The following PRKAA2 variants were observed in gnomAD, a reference collection of about 807,000 sequenced individuals.
The protein encoded by PRKAA2 is protein kinase AMP-activated catalytic subunit alpha 2.
A neutral mutation model predicts 56.3 loss-of-function variants in PRKAA2; 40 were observed. That is an observed-to-expected ratio of 0.71 (90% CI 0.55 to 0.92). The LOEUF (loss-of-function observed/expected upper bound fraction) is 0.92. PRKAA2 is among the 40% of genes least tolerant of loss of function. PRKAA2 has a pLI of 0.00. For missense variants in PRKAA2, 542 were observed against 686.9 expected, an observed-to-expected ratio of 0.79 and a Z score of 2.36; for synonymous variants, 214 against 234.2, an observed-to-expected ratio of 0.91 and a Z score of 0.79.
Position 56,711,104 on chromosome 1 carries a change from A to AG in PRKAA2, c.*3392dup, listed in dbSNP as rs1403093312. On this transcript the variant is annotated 3_prime_UTR_variant, in exon 9 of 9. Transcript: ENST00000371244. ...TACTAGCTATCTATAAAGAGAATCC[A>AG]GAAGGCTAAATTAATCAGAAATAAT... is the stretch of plus-strand genomic sequence containing the variant. The AG allele has an allele frequency of 6.6e-6, 1 of 152,154 alleles. No homozygotes were observed. Among genetic ancestry groups the AG allele is most frequent in the African/African-American group, 2.4e-5 (1 of 41,464 alleles). The allele number at this position is 152,154 out of a possible 1,614,324, so 9.4% of individuals were successfully genotyped here.
intron 1 of PRKAA2, among the ~76,000 whole-genome samples, chr1:56,672,895 G>A (rs1644087931): frequency 6.6e-6 from 1 of 152,092 alleles, no homozygotes; most frequent in African/African-American, 2.4e-5. Flanking sequence ...GAGACAAGTT[G>A]GAAACTAGAG....
intron 1 of PRKAA2, among the ~76,000 whole-genome samples, chr1:56,664,125 C>A (rs1362245599): frequency 6.6e-6 from 1 of 151,996 alleles, no homozygotes; most frequent in South Asian, 2.1e-4. Context: ...TCTTCTTGTC[C>A]CTTCTTAAAA....
rs192497352 is a variant in PRKAA2, at chr1:56,667,887, T to C, written c.95-6494T>C. ...TGGTAGTCTCTCTTGTGCCTTCACT[T>C]GGAGACCCTCCTGAAGGACTTAGTG... On this transcript the variant is annotated intron_variant, in intron 1 of 8. Coordinates refer to ENST00000371244, the MANE Select transcript of PRKAA2 (RefSeq NM_006252.4). 6.0e-3 allele frequency among the ~76,000 whole-genome samples: 911 copies of C among 152,272 alleles called. 5 individuals are homozygous for C. The highest frequency in any genetic ancestry group is 0.021 in the African/African-American group (869 of 41,548).
chr1:56,685,746 C>A (rs1178562291), intron 2 of PRKAA2, among the ~76,000 whole-genome samples: 1 of 151,996 alleles, frequency 6.6e-6, no homozygotes, highest in Non-Finnish European at 1.5e-5. Flanking sequence ...CTGTGGAATC[C>A]TCTTTAACAA....
rs1299267070 is a variant in PRKAA2 at position 56,704,202 on chromosome 1, C to G, written c.1020C>G (p.Phe340Leu). The G allele has an allele frequency of 3.1e-6, 5 of 1,614,184 alleles. No homozygotes were observed. The South Asian group carries it at 5.5e-5, about 18-fold the overall frequency. The change falls in exon 7 of 9, where the codon TTC (phenylalanine) becomes TTG (leucine). Residue 340 changes from phenylalanine to leucine, a missense_variant. By Grantham distance (22) the Phe-to-Leu change is conservative (BLOSUM62 0). Around this residue, in one of 5 missense-constraint regions of PRKAA2, gnomAD observed 198 missense variants for 234.0 expected, o/e 0.85. Coordinates refer to ENST00000371244, the MANE Select transcript of PRKAA2 (RefSeq NM_006252.4). ...NRRIMNQASE[F>L]YLASSPPSGS... ...GAATAATGAACCAAGCCAGTGAGTTCTACCTCGCCTCTAGTCCTCCATCTG... is the reference window on the plus strand; with the variant it reads ...GAATAATGAACCAAGCCAGTGAGTTGTACCTCGCCTCTAGTCCTCCATCTG...
chr1:56,647,328 A>T (rs4912407), intron 1 of PRKAA2, among the ~76,000 whole-genome samples: 1 of 152,102 alleles, frequency 6.6e-6, no homozygotes, highest in Non-Finnish European at 1.5e-5. Context: ...ACATGTACAC[A>T]CAAAGTTATA....
At chr1:56,703,604 C>A (rs1469644574) in intron 6 of PRKAA2, among the ~76,000 whole-genome samples, 2 of 152,180 alleles carry the variant, frequency 1.3e-5, no homozygotes, top group Non-Finnish European at 2.9e-5. Flanking sequence ...TTAACACCAA[C>A]TTTATCAGAA....
intron 5 of PRKAA2, among the ~76,000 whole-genome samples, chr1:56,694,333 C>T (rs1644245824): frequency 6.6e-6 from 1 of 152,114 alleles, no homozygotes; most frequent in South Asian, 2.1e-4. Context: ...TTCATTGGTA[C>T]ATTATAAAAA....
rs1394803564 is a variant in PRKAA2 at position 56,710,489 on chromosome 1, C to T, written c.*2776C>T. On this transcript the variant is annotated 3_prime_UTR_variant, in exon 9 of 9. Coordinates refer to ENST00000371244, the MANE Select transcript of PRKAA2 (RefSeq NM_006252.4). Reference sequence around the variant, plus strand: ...AAAAAACTTAATAGCCCATGAAAAGCAAATTTGGGAAATACATTTTTTAGG... The same window carrying T: ...AAAAAACTTAATAGCCCATGAAAAGTAAATTTGGGAAATACATTTTTTAGG... 1 of 152,042 alleles carries T rather than the reference C, an allele frequency of 6.6e-6. No individual in the cohort carries two copies. Among genetic ancestry groups the T allele is most frequent in the Middle Eastern group, 3.2e-3 (1 of 316 alleles). The allele number at this position is 152,042 out of a possible 1,614,324, so 9.4% of individuals were successfully genotyped here.
intron 3 of PRKAA2, 140 bp from the exon 4 acceptor site, chr1:56,692,218 G>C: frequency 1.1e-6 from 1 of 939,602 alleles, no homozygotes; most frequent in Middle Eastern, 2.9e-4. Context: ...TTTTAGTAGA[G>C]ATGGAGTTTC....
rs77231455 is a variant in PRKAA2, at chr1:56,686,882, TC to T, written c.237-4511del. On this transcript the variant is annotated intron_variant, in intron 2 of 8. Coordinates refer to ENST00000371244, the MANE Select transcript of PRKAA2 (RefSeq NM_006252.4). The stretch of plus-strand genomic sequence containing the variant: ...AACATTATAGAAACAACCTAAATAC[TC>T]TTTTTTTTTTTTTTTTTTGAGACAG... Among the ~76,000 whole-genome samples the T allele has an allele frequency of 0.013, 644 of 50,212 alleles. 19 individuals carry two copies. In the East Asian group the frequency reaches 0.19, roughly 15 times the overall value. 32.9% of individuals were successfully genotyped at this position (50,212 alleles called of 152,430 possible). A position where few individuals can be genotyped will look rare whatever the true frequency, so the allele number is the denominator to read the frequency against.
chr1:56,661,730 T>C (rs922010217), intron 1 of PRKAA2, among the ~76,000 whole-genome samples: 1 of 151,988 alleles, frequency 6.6e-6, no homozygotes, highest in Non-Finnish European at 1.5e-5. Flanking sequence ...TTTTTTCTAC[T>C]GTCACATTTC....
chr1:56,670,401 A>G (rs1644066728), intron 1 of PRKAA2, among the ~76,000 whole-genome samples: 1 of 152,140 alleles, frequency 6.6e-6, no homozygotes, highest in Admixed American at 6.6e-5. Context: ...TCCCCTTCTT[A>G]AGTCTGGTCT....
At chr1:56,656,147 C>T (rs938806042) in intron 1 of PRKAA2, among the ~76,000 whole-genome samples, 3 of 151,918 alleles carry the variant, frequency 2.0e-5, no homozygotes, top group Admixed American at 2.0e-4. Flanking sequence ...GATTAGATTC[C>T]ATTGAAGAGA....
intron 6 of PRKAA2, among the ~76,000 whole-genome samples, chr1:56,700,123 G>A (rs1003571191): frequency 9.2e-5 from 14 of 152,032 alleles, no homozygotes; most frequent in African/African-American, 1.5e-4. Flanking sequence ...TATAATTGTC[G>A]TATGTTGTTG....
intron 1 of PRKAA2, among the ~76,000 whole-genome samples, chr1:56,659,041 G>A (rs1251682737): frequency 2.7e-5 from 4 of 150,438 alleles, no homozygotes; most frequent in South Asian, 2.1e-4. Flanking sequence ...GGCTTCAAGC[G>A]ATCCTCTCGC....
At position 56,704,140 on chromosome 1, in the gene PRKAA2, C is replaced by T. The variant is rs764728833; in HGVS notation, c.958C>T (p.Leu320Phe). The change falls in exon 7 of 9, where the codon CTT (leucine) becomes TTT (phenylalanine). Residue 320 changes from leucine (L) to phenylalanine (F), a missense_variant. Physicochemically the swap from Leu to Phe is conservative, Grantham distance 22. Around this residue, in one of 5 missense-constraint regions of PRKAA2, gnomAD observed 198 missense variants for 234.0 expected, o/e 0.85. Transcript: ENST00000371244. Reference protein sequence around the residue: ...SLYSGDPQDQLAVAYHLIIDN... With the variant: ...SLYSGDPQDQFAVAYHLIIDN... ...ATATAGTGGTGACCCTCAAGACCAG[C>T]TTGCAGTGGCTTATCATCTTATCAT... The T allele has an allele frequency of 1.2e-6, 2 of 1,614,116 alleles. No individual in the cohort carries two copies. The highest frequency in any genetic ancestry group is 1.7e-6 in the Non-Finnish European group (2 of 1,179,988).
Position 56,691,038 on chromosome 1 carries a change from T to C in PRKAA2, c.237-356T>C, listed in dbSNP as rs112186549. On this transcript the variant is annotated intron_variant, in intron 2 of 8. Transcript: ENST00000371244. ...CTGGGATTACAGGCATGAGCCATAG[T>C]GTCTGGCCCAAGTATATTTTCTGTT... Among the ~76,000 whole-genome samples, 920 of 152,334 alleles carry C rather than the reference T, an allele frequency of 6.0e-3. 8 individuals carry two copies. The highest frequency in any genetic ancestry group is 0.021 in the African/African-American group (881 of 41,572).
At chr1:56,684,925 T>G (rs761945997) in intron 2 of PRKAA2, among the ~76,000 whole-genome samples, 7 of 151,996 alleles carry the variant, frequency 4.6e-5, no homozygotes, top group Non-Finnish European at 8.8e-5. Flanking sequence ...AGTGATTCAG[T>G]CAAGAGGAAG....
Sources: gnomAD v4.1 joint callset for allele counts (sites outside exome capture counted in the v4.1 genomes callset) on GRCh38, gnomAD v4.1.1 for gene constraint, gnomAD v4.1.1 regional missense constraint, MANE v1.5 for transcripts, NCBI Gene and HGNC (gene_info 2026-07-23, HGNC 2026-07-21) for gene names.